CATSPERB: variants seen among roughly 807,000 people sequenced by gnomAD.
The protein encoded by CATSPERB is catsper channel auxiliary subunit beta.
Under a neutral mutation model 128.3 loss-of-function variants are expected in CATSPERB, and 93 were observed. That is an observed-to-expected ratio of 0.72 (90% CI 0.61 to 0.86). CATSPERB has a LOEUF of 0.86. Among genes scored for constraint, CATSPERB ranks in the 40% least tolerant of loss-of-function variants. The probability of loss-of-function intolerance (pLI) is 0.00; values close to 1 mark genes in which losing one functional copy is unlikely to be tolerated. For synonymous variants in CATSPERB, 381 were observed against 448.8 expected (o/e 0.85, Z 1.91); for missense variants, 1,153 against 1,329.5 (o/e 0.87, Z 2.06).
At chr14:91,671,492 T>C (rs1419056134) in intron 13 of CATSPERB, among the ~76,000 whole-genome samples, 3 of 151,700 alleles carry the variant, frequency 2.0e-5, no homozygotes, top group African/African-American at 7.3e-5. Flanking sequence ...GGAGAATCGC[T>C]TGAGCCTGGG....
At chr14:91,612,371 G>A (rs917321612) in intron 20 of CATSPERB, among the ~76,000 whole-genome samples, 4 of 152,028 alleles carry the variant, frequency 2.6e-5, no homozygotes, top group East Asian at 1.9e-4. Context: ...GGCTGGTCTC[G>A]AACTCCTGGC....
chr14:91,671,835 C>T (rs949352996), intron 13 of CATSPERB, among the ~76,000 whole-genome samples: 9 of 151,720 alleles, frequency 5.9e-5, no homozygotes, highest in African/African-American at 1.5e-4. Context: ...ATCGAGACCA[C>T]GGTGAAACCC....
intron 15 of CATSPERB, among the ~76,000 whole-genome samples, chr14:91,640,262 TA>T (rs1894468553): frequency 6.6e-6 from 1 of 151,812 alleles, no homozygotes; most frequent in Non-Finnish European, 1.5e-5. Flanking sequence ...ATTTTTTTTT[TA>T]TTTAAGTTTT....
At position 91,608,358 on chromosome 14, in the gene CATSPERB, G is replaced by C; in HGVS notation, c.2645C>G (p.Thr882Arg). ...PSNMGIAIPL[T>R]DNFYHADPSK... ...AGGATCTGCATGATAAAAATTATCT[G>C]TGAGTGGAATAGCAATTCCCATATT... The change falls in exon 22 of 27, where the codon ACA becomes AGA. Residue 882 changes from threonine to arginine, a missense_variant. Thr to Arg is a moderately conservative substitution (Grantham distance 71). Coordinates refer to ENST00000256343, the MANE Select transcript of CATSPERB (RefSeq NM_024764.4). 7 of 1,612,134 alleles carry C rather than the reference G, an allele frequency of 4.3e-6. No individual in the cohort carries two copies. Among genetic ancestry groups the C allele is most frequent in the Non-Finnish European group, 5.9e-6 (7 of 1,178,416 alleles).
At chr14:91,708,936 A>G (rs564762196) in intron 5 of CATSPERB, among the ~76,000 whole-genome samples, 1 of 152,378 alleles carries the variant, frequency 6.6e-6, no homozygotes, top group East Asian at 1.9e-4. Context: ...AGCCAACAGC[A>G]GTAGCTTTAG....
At chr14:91,623,049 C>T (rs1011484879) in intron 18 of CATSPERB, among the ~76,000 whole-genome samples, 2 of 152,142 alleles carry the variant, frequency 1.3e-5, no homozygotes, top group African/African-American at 4.8e-5. Flanking sequence ...CACCTGCCAC[C>T]AGGCCCAGCT....
At position 91,655,508 on chromosome 14, in the gene CATSPERB, C is replaced by A. The variant is rs147744386; in HGVS notation, c.1432+4329G>T. On this transcript the variant is annotated intron_variant, in intron 15 of 26. Transcript: ENST00000256343. The stretch of plus-strand genomic sequence containing the variant: ...AGAGATTGAAACAATTAAAAAGAAT[C>A]AAGCAGAATTCTGGAGCTGAAAAAT... 8.9e-3 allele frequency among the ~76,000 whole-genome samples: 1,362 copies of A among 152,242 alleles called. 16 individuals carry two copies. The highest frequency in any genetic ancestry group is 0.045 in the Middle Eastern group (13 of 292).
At chr14:91,661,549 T>TATATATATATATATATATATA (rs1894886330) in intron 14 of CATSPERB, among the ~76,000 whole-genome samples, 2 of 52,706 alleles carry the variant, frequency 3.8e-5, no homozygotes, top group African/African-American at 1.3e-4. Context: ...ATATATATAT[T>TATATATATATATATATATATA]TAAGACAGGG....
At position 91,728,363 on chromosome 14, in the gene CATSPERB, T is replaced by C. The variant is rs146172661; in HGVS notation, c.79+1038A>G. 5.2e-3 allele frequency among the ~76,000 whole-genome samples: 790 copies of C among 152,234 alleles called. 7 individuals are homozygous for C. Among genetic ancestry groups the C allele is most frequent in the African/African-American group, 0.018 (738 of 41,540 alleles). On this transcript the variant is annotated intron_variant, in intron 2 of 26. Coordinates refer to ENST00000256343, the MANE Select transcript of CATSPERB (RefSeq NM_024764.4). Reference sequence around the variant, plus strand: ...CTCCTGGGCTCAAGGTATCCTCCTGTCTCAGCCTCCCAAAGTGCTGGGATT... The same window carrying C: ...CTCCTGGGCTCAAGGTATCCTCCTGCCTCAGCCTCCCAAAGTGCTGGGATT...
intron 26 of CATSPERB, among the ~76,000 whole-genome samples, chr14:91,586,247 C>A (rs115026117): frequency 0.012 from 1,888 of 152,236 alleles, 25 homozygotes; most frequent in African/African-American, 0.032. Context: ...GAGGTCCTTT[C>A]CCTTGTTCTC....
At chr14:91,610,137 T>C (rs535794714) in intron 21 of CATSPERB, among the ~76,000 whole-genome samples, 1 of 152,286 alleles carries the variant, frequency 6.6e-6, no homozygotes, top group African/African-American at 2.4e-5. Context: ...AGTGGACCTA[T>C]GCAGTTCAAA....
At chr14:91,605,073 T>C in intron 22 of CATSPERB, 2 of 1,226,526 alleles carry the variant, frequency 1.6e-6, no homozygotes, top group Non-Finnish European at 2.4e-6. Flanking sequence ...TTTCTGGCAC[T>C]CTTCTCTGCA....
chr14:91,687,671 T>A (rs1003730663), intron 10 of CATSPERB, among the ~76,000 whole-genome samples: 1 of 152,084 alleles, frequency 6.6e-6, no homozygotes, highest in African/African-American at 2.4e-5. Flanking sequence ...AATCCTTATC[T>A]AAGCTGGGTG....
chr14:91,662,735 G>T (rs941723652), intron 14 of CATSPERB, among the ~76,000 whole-genome samples: 1 of 152,198 alleles, frequency 6.6e-6, no homozygotes, highest in African/African-American at 2.4e-5. Context: ...TATTTTGCCA[G>T]TTAAGTAGCT....
chr14:91,716,721 A>G (rs1310447877), intron 5 of CATSPERB, among the ~76,000 whole-genome samples: 2 of 151,424 alleles, frequency 1.3e-5, no homozygotes, highest in Admixed American at 6.6e-5. Flanking sequence ...ATACACACAC[A>G]CACACACACA....
At chr14:91,728,756 T>C (rs1193525106) in intron 2 of CATSPERB, among the ~76,000 whole-genome samples, 2 of 152,170 alleles carry the variant, frequency 1.3e-5, no homozygotes, top group African/African-American at 2.4e-5. Context: ...ACAAGAATCA[T>C]GATATAAAGG....
intron 7 of CATSPERB, among the ~76,000 whole-genome samples, chr14:91,696,843 T>C (rs1193576501): frequency 6.6e-6 from 1 of 152,142 alleles, no homozygotes; most frequent in African/African-American, 2.4e-5. Context: ...AGCAGAGATA[T>C]TTCTTACAGT....
intron 2 of CATSPERB, among the ~76,000 whole-genome samples, chr14:91,728,902 C>A (rs1175642967): frequency 2.0e-5 from 3 of 152,222 alleles, no homozygotes; most frequent in Non-Finnish European, 4.4e-5. Flanking sequence ...ACAACCACAA[C>A]AGTCCCCCTT....
At chr14:91,650,732 G>T (rs1894690843) in intron 15 of CATSPERB, among the ~76,000 whole-genome samples, 1 of 150,626 alleles carries the variant, frequency 6.6e-6, no homozygotes, top group Non-Finnish European at 1.5e-5. Context: ...CTATCAGAGG[G>T]CTATACTATG....
Sources: gnomAD v4.1 joint callset for allele counts (sites outside exome capture counted in the v4.1 genomes callset) on GRCh38, gnomAD v4.1.1 for gene constraint, MANE v1.5 for transcripts, NCBI Gene and HGNC (gene_info 2026-07-23, HGNC 2026-07-21) for gene names.